The following SLC23A2 variants were observed in gnomAD, a reference collection of about 807,000 sequenced individuals.
SLC23A2 encodes the protein Na(+)/L-ascorbic acid transporter 2.
Under a neutral mutation model 73.3 loss-of-function variants are expected in SLC23A2, and 36 were observed. The ratio of observed to expected loss-of-function variants is 0.49; its 90% CI spans 0.38 to 0.65. The LOEUF (loss-of-function observed/expected upper bound fraction) is 0.65. Among genes scored for constraint, SLC23A2 ranks in the 30% least tolerant of loss-of-function variants. SLC23A2 has a pLI of 0.00. For missense variants in SLC23A2, 507 were observed against 841.6 expected, an observed-to-expected ratio of 0.60 and a Z score of 4.92; for synonymous variants, 343 against 327.3, an observed-to-expected ratio of 1.05 and a Z score of -0.52.
chr20:4,930,269 C>G (rs968191302), intron 3 of SLC23A2, among the ~76,000 whole-genome samples: 1 of 152,182 alleles, frequency 6.6e-6, no homozygotes, highest in Non-Finnish European at 1.5e-5. Flanking sequence ...ATGCATGAAA[C>G]CTTCCCATTC....
At chr20:4,864,013 C>T (rs1174172305) in intron 13 of SLC23A2, among the ~76,000 whole-genome samples, 1 of 152,170 alleles carries the variant, frequency 6.6e-6, no homozygotes, top group Non-Finnish European at 1.5e-5. Flanking sequence ...CCTGCCTATC[C>T]CCTGGGTTCC....
chr20:4,860,226 T>C (rs1417606102), intron 15 of SLC23A2, among the ~76,000 whole-genome samples: 2 of 152,246 alleles, frequency 1.3e-5, no homozygotes, highest in East Asian at 1.9e-4. Flanking sequence ...AATGTATTTG[T>C]AAACCCAAAA....
chr20:4,912,832 G>C (rs1444603019), intron 4 of SLC23A2, 48 bp downstream of exon 4: 1 of 1,190,248 alleles, frequency 8.4e-7, no homozygotes, highest in Non-Finnish European at 1.3e-6. Context: ...AGCACTTGTG[G>C]GAGGGGATGG....
At chr20:4,944,816 A>G (rs539484712) in intron 2 of SLC23A2, among the ~76,000 whole-genome samples, 45 of 152,326 alleles carry the variant, frequency 3.0e-4, no homozygotes, top group Admixed American at 2.2e-3. Context: ...AAGCCAATCC[A>G]TGGCTCTTTG....
intron 4 of SLC23A2, among the ~76,000 whole-genome samples, chr20:4,907,139 G>A (rs1265188981): frequency 6.6e-6 from 1 of 152,194 alleles, no homozygotes; most frequent in Admixed American, 6.5e-5. Context: ...ACCACACAGC[G>A]ATCAAGGAAA....
chr20:4,862,970 A>T lies in SLC23A2; in HGVS notation c.1357-63T>A. On this transcript the variant is annotated intron_variant, in intron 13 of 16. Coordinates refer to ENST00000338244, the MANE Select transcript of SLC23A2 (RefSeq NM_005116.6). This position sits in a 1 kb window ranked among gnomAD's most constrained non-coding sequence, Gnocchi z 5.1. ...TCTCCATGCAAAATCACCGTAAGTT[A>T]CTAAAGAACACACAGCAGAGATACC... is the stretch of plus-strand genomic sequence containing the variant. The T allele has an allele frequency of 6.5e-7, 1 of 1,533,446 alleles. No individual in the cohort carries two copies. Among genetic ancestry groups the T allele is most frequent in the South Asian group, 1.1e-5 (1 of 87,488 alleles). The allele number at this position is 1,533,446 out of a possible 1,614,324, so 95.0% of individuals were successfully genotyped here.
chr20:4,944,855 A>T, intron 2 of SLC23A2, among the ~76,000 whole-genome samples: 1 of 152,208 alleles, frequency 6.6e-6, no homozygotes, highest in Non-Finnish European at 1.5e-5. Flanking sequence ...GATTATAATC[A>T]AACTGTGGCT....
At chr20:4,919,313 T>C (rs1376233172) in intron 3 of SLC23A2, among the ~76,000 whole-genome samples, 2 of 152,218 alleles carry the variant, frequency 1.3e-5, no homozygotes, top group African/African-American at 2.4e-5. Flanking sequence ...GTGCAGGTGA[T>C]GCTGCTGGAT....
At position 4,944,845 on chromosome 20, in the gene SLC23A2, G is replaced by A. The variant is rs936285892; in HGVS notation, c.-154-12129C>T. ...CTCTTTGCTTAAATCCCATTAAGGG[G>A]ATTATAATCAAACTGTGGCTGCTCC... On this transcript the variant is annotated intron_variant, in intron 2 of 16. Transcript: ENST00000338244. 5.3e-5 allele frequency among the ~76,000 whole-genome samples: 8 copies of A among 152,252 alleles called. No homozygotes were observed. The South Asian group carries it at 1.7e-3, about 32-fold the overall frequency.
chr20:4,866,632 C>G (rs1930211215), intron 13 of SLC23A2, among the ~76,000 whole-genome samples: 2 of 152,236 alleles, frequency 1.3e-5, no homozygotes, highest in African/African-American at 4.8e-5. Context: ...CAGGGCCCTG[C>G]CAACCTGGGG....
intron 2 of SLC23A2, among the ~76,000 whole-genome samples, chr20:4,942,331 T>C (rs769931242): frequency 6.5e-5 from 7 of 107,412 alleles, no homozygotes; most frequent in Non-Finnish European, 1.1e-4. Flanking sequence ...CAGCCAAAGT[T>C]AAAAATCACT....
At chr20:4,884,848 C>A in intron 7 of SLC23A2, 25 bp from the exon 8 acceptor site, 1 of 1,409,770 alleles carries the variant, frequency 7.1e-7, no homozygotes, top group Non-Finnish European at 9.7e-7. Flanking sequence ...CAAAGTTTTT[C>A]TTGGAGTGAC....
chr20:4,857,499 A>G lies in SLC23A2; in HGVS notation c.1721-295T>C, dbSNP rs1929773778. On this transcript the variant is annotated intron_variant, in intron 16 of 16. Coordinates refer to ENST00000338244, the MANE Select transcript of SLC23A2 (RefSeq NM_005116.6). The surrounding 1 kb of genome is among the most constrained non-coding windows in gnomAD (Gnocchi z 4.0). Reference sequence around the variant, plus strand: ...GACCTTCTGACCTCCCTATCCTTCTATGTGACCCATATTCTCAATTTTCAC... The same window carrying G: ...GACCTTCTGACCTCCCTATCCTTCTGTGTGACCCATATTCTCAATTTTCAC... 6.6e-6 allele frequency among the ~76,000 whole-genome samples: 1 copy of G among 151,994 alleles called. No individual in the cohort carries two copies. The highest frequency in any genetic ancestry group is 2.4e-5 in the African/African-American group (1 of 41,364).
intron 1 of SLC23A2, among the ~76,000 whole-genome samples, chr20:4,989,325 T>G (rs1020176501): frequency 6.6e-6 from 1 of 152,010 alleles, no homozygotes; most frequent in African/African-American, 2.4e-5. Context: ...AAGTTAAGTA[T>G]TCCTTGTATA....
At chr20:4,960,740 G>A (rs543686689) in intron 2 of SLC23A2, among the ~76,000 whole-genome samples, 38 of 152,338 alleles carry the variant, frequency 2.5e-4, no homozygotes, top group African/African-American at 9.1e-4. Flanking sequence ...AGAAGAGAAA[G>A]AGGGAGATGA....
chr20:5,003,927 T>C (rs986968074), upstream of SLC23A2, among the ~76,000 whole-genome samples: 3 of 152,188 alleles, frequency 2.0e-5, no homozygotes, highest in African/African-American at 7.2e-5. Context: ...TCTATTCTTG[T>C]GATAATACCA....
At chr20:4,865,834 T>A (rs957118548) in intron 13 of SLC23A2, among the ~76,000 whole-genome samples, 8 of 152,070 alleles carry the variant, frequency 5.3e-5, no homozygotes, top group Admixed American at 1.3e-4. Flanking sequence ...ATATATTTTT[T>A]TTTATTTTTT....
intron 11 of SLC23A2, among the ~76,000 whole-genome samples, chr20:4,873,652 C>T (rs1231189652): frequency 2.0e-5 from 3 of 152,220 alleles, no homozygotes; most frequent in Non-Finnish European, 4.4e-5. Flanking sequence ...ATCCTGGCCA[C>T]CAGAGCTTAA....
intron 1 of SLC23A2, among the ~76,000 whole-genome samples, chr20:4,990,091 T>C (rs901194835): frequency 6.6e-6 from 1 of 152,074 alleles, no homozygotes; most frequent in African/African-American, 2.4e-5. Flanking sequence ...GTGACAAAAA[T>C]GGAAGGAGCC....
Sources: allele counts gnomAD v4.1 joint callset (sites outside exome capture counted in the v4.1 genomes callset), GRCh38; gene constraint gnomAD v4.1.1; non-coding constraint Gnocchi (gnomAD v3.1); transcripts MANE v1.5; gene names NCBI Gene and HGNC (gene_info 2026-07-23, HGNC 2026-07-21).